Variants in CLEC12A observed in about 807,000 individuals in gnomAD.
CLEC12A encodes the protein C-type lectin domain family 12 member A, also known as C-type lectin protein CLL-1.
CLEC12A carries 22 observed loss-of-function variants against 26.5 expected under a neutral mutation model. That is an observed-to-expected ratio of 0.83 (90% CI 0.59 to 1.19). The LOEUF is 1.19. Among genes scored for constraint, CLEC12A ranks in the 50% most tolerant of loss-of-function variants. The probability of loss-of-function intolerance (pLI) is 0.00; values close to 1 mark genes in which losing one functional copy is unlikely to be tolerated. For synonymous variants in CLEC12A, 119 were observed against 101.9 expected, an observed-to-expected ratio of 1.17 and a Z score of -1.01; for missense variants, 353 against 315.6, an observed-to-expected ratio of 1.12 and a Z score of -0.90.
chr12:9,985,610 T>G (rs1469086776), downstream of CLEC12A: 2 of 396,714 alleles, frequency 5.0e-6, no homozygotes, highest in African/African-American at 2.1e-5. Flanking sequence ...CGAGACTGAC[T>G]TATTTTTAAC....
intron 4 of CLEC12A, chr12:9,991,505 C>T (rs1482818204): frequency 1.3e-5 from 2 of 152,034 alleles, no homozygotes; most frequent in Non-Finnish European, 2.9e-5. Context: ...TATTTAGTTT[C>T]TCTAAATAGA....
intron 1 of CLEC12A, among the ~76,000 whole-genome samples, chr12:9,954,205 T>TTAA (rs1324657571): frequency 3.1e-5 from 2 of 64,416 alleles, no homozygotes; most frequent in African/African-American, 5.6e-5. Flanking sequence ...GAATTATCAA[T>TTAA]AAAAAAAAAA....
In CLEC12A at chr12:9,985,245, C is replaced by T. The variant is rs147036135; in HGVS notation, c.*219C>T. The T allele has an allele frequency of 7.5e-4, 331 of 443,026 alleles. No homozygotes were observed. Among genetic ancestry groups the T allele is most frequent in the Non-Finnish European group, 7.2e-4 (191 of 266,084 alleles). The allele number at this position is 443,026 out of a possible 1,614,324, so 27.4% of individuals were successfully genotyped here. A position where few individuals can be genotyped will look rare whatever the true frequency, so the allele number is the denominator to read the frequency against. On this transcript the variant is annotated 3_prime_UTR_variant, in exon 6 of 6. Transcript: ENST00000304361. ...GCATGTCCCACCTCCCACTTTCCAT[C>T]ATGGCCTGAACCCTGGAGGAAGAGG...
chr12:9,988,963 C>A (rs1429210907), downstream of CLEC12A, among the ~76,000 whole-genome samples: 1 of 152,040 alleles, frequency 6.6e-6, no homozygotes, highest in Admixed American at 6.5e-5. Context: ...GGAACCAACC[C>A]GAATGTCCAA....
intron 1 of CLEC12A, among the ~76,000 whole-genome samples, chr12:9,978,097 C>T (rs914767346): frequency 6.6e-6 from 1 of 152,060 alleles, no homozygotes; most frequent in African/African-American, 2.4e-5. Context: ...TATTATTGCA[C>T]CATCAACTAT....
At chr12:9,981,584 A>C (rs985761982) in intron 4 of CLEC12A, among the ~76,000 whole-genome samples, 3 of 152,140 alleles carry the variant, frequency 2.0e-5, no homozygotes, top group Non-Finnish European at 4.4e-5. Flanking sequence ...TTGGCTACAA[A>C]ATTCTGGACT....
At chr12:9,979,952 G>T (rs764821695) in intron 3 of CLEC12A, among the ~76,000 whole-genome samples, 1 of 152,130 alleles carries the variant, frequency 6.6e-6, no homozygotes, top group Non-Finnish European at 1.5e-5. Context: ...CGGGGAGTTG[G>T]TCTTTTAGTG....
At chr12:9,972,040 A>G (rs1228598623) in intron 1 of CLEC12A, among the ~76,000 whole-genome samples, 1 of 98,636 alleles carries the variant, frequency 1.0e-5, no homozygotes, top group Non-Finnish European at 2.2e-5. Flanking sequence ...TCATGATTTC[A>G]TATGTGTGTG....
chr12:9,997,142 T>TA (rs754612828), downstream of CLEC12A: 10 of 1,613,526 alleles, frequency 6.2e-6, no homozygotes, highest in East Asian at 2.2e-4. Flanking sequence ...ATGAAGAGGT[T>TA]AAAAAAACAA....
rs1410427214 is a variant in CLEC12A at position 9,980,572 on chromosome 12, C to T, written c.380-10C>T. 6.2e-7 allele frequency: 1 copy of T among 1,609,018 alleles called. No individual in the cohort carries two copies. The highest frequency in any genetic ancestry group is 1.7e-5 in the Admixed American group (1 of 58,968). ...AACAAAACCCAAATAAAACTATGTT[C>T]TTCTTCCAGAGCACAAATGTAAGCC... On this transcript the variant is annotated splice_polypyrimidine_tract_variant and intron_variant, in intron 3 of 5. Transcript: ENST00000304361.
the CLEC12A span, among the ~76,000 whole-genome samples, chr12:10,002,704 A>G: frequency 6.6e-6 from 1 of 152,094 alleles, no homozygotes; most frequent in African/African-American, 2.4e-5. Flanking sequence ...GGCCTCCCCA[A>G]GTGCTAGGAT....
the CLEC12A span, among the ~76,000 whole-genome samples, chr12:10,004,675 G>A: frequency 9.8e-4 from 148 of 151,636 alleles, 2 homozygotes; most frequent in Admixed American, 3.9e-3. Flanking sequence ...ACTTTTTGGG[G>A]CATGAAAACA....
chr12:9,970,203 A>G (rs889261690), upstream of CLEC12A, among the ~76,000 whole-genome samples: 5 of 139,452 alleles, frequency 3.6e-5, no homozygotes, highest in African/African-American at 1.3e-4. Context: ...TTCTAATCCC[A>G]CAGCATGTTT....
At chr12:9,968,117 C>T (rs1054415233), upstream of CLEC12A, among the ~76,000 whole-genome samples, 1 of 152,128 alleles carries the variant, frequency 6.6e-6, no homozygotes, top group South Asian at 2.1e-4. Flanking sequence ...AAAGAGGCCA[C>T]TTACTGGATT....
At chr12:9,967,710 G>T (rs1474530601), upstream of CLEC12A, among the ~76,000 whole-genome samples, 3 of 151,576 alleles carry the variant, frequency 2.0e-5, no homozygotes, top group Admixed American at 6.6e-5. Context: ...GCGGAGAAGG[G>T]GTAGAGACAT....
chr12:10,001,880 T>TC, the CLEC12A span, among the ~76,000 whole-genome samples: 2 of 87,920 alleles, frequency 2.3e-5, no homozygotes, highest in Non-Finnish European at 5.4e-5. Context: ...CTAAACAAAA[T>TC]CTTTTTTTTT....
chr12:9,990,248 T>C (rs949630855), downstream of CLEC12A, among the ~76,000 whole-genome samples: 3 of 152,214 alleles, frequency 2.0e-5, no homozygotes, highest in East Asian at 1.9e-4. Flanking sequence ...CTCCCACAGA[T>C]ACTGATTCTT....
At chr12:10,001,631 C>T in the CLEC12A span, among the ~76,000 whole-genome samples, 1 of 152,170 alleles carries the variant, frequency 6.6e-6, no homozygotes, top group Non-Finnish European at 1.5e-5. Flanking sequence ...GCTCCCTCCC[C>T]ACATTCTATA....
chr12:9,989,114 C>CA (rs748961503), downstream of CLEC12A, among the ~76,000 whole-genome samples: 135 of 148,184 alleles, frequency 9.1e-4, no homozygotes, highest in Non-Finnish European at 1.5e-3. Context: ...ATTGCAAGGA[C>CA]AAAAAACCAA....
Sources: gnomAD v4.1 joint callset for allele counts (sites outside exome capture counted in the v4.1 genomes callset) on GRCh38, gnomAD v4.1.1 for gene constraint, MANE v1.5 for transcripts, NCBI Gene and HGNC (gene_info 2026-07-23, HGNC 2026-07-21) for gene names.